Variants in GABRA6 observed in about 807,000 individuals in gnomAD.
GABRA6 encodes the protein gamma-aminobutyric acid receptor subunit alpha-6.
A neutral mutation model predicts 47.3 loss-of-function variants in GABRA6; 45 were observed. The observed-to-expected ratio is 0.95, with a 90% CI of 0.75 to 1.22. The LOEUF (loss-of-function observed/expected upper bound fraction) is 1.22, where lower values mean the gene tolerates loss of function less well. GABRA6 is among the 50% of genes most tolerant of loss of function. The probability of loss-of-function intolerance (pLI) is 0.00; values close to 1 mark genes in which losing one functional copy is unlikely to be tolerated. For synonymous variants in GABRA6, 219 were observed against 194.7 expected (o/e 1.12, Z -1.04); for missense variants, 583 against 549.3 (o/e 1.06, Z -0.61).
At chr5:161,690,384 T>G in intron 7 of GABRA6, 31 bp downstream of exon 7, 1 of 1,598,710 alleles carries the variant, frequency 6.3e-7, no homozygotes, top group Non-Finnish European at 8.6e-7. Flanking sequence ...TTCACGTACA[T>G]TCATCCTCCA....
rs1755000216 is a variant in GABRA6, at chr5:161,702,480, G to T, written c.*707G>T. On this transcript the variant is annotated 3_prime_UTR_variant, in exon 9 of 9. Coordinates refer to ENST00000274545, the MANE Select transcript of GABRA6 (RefSeq NM_000811.3). ...TAATACACTTACCATAATTCTATGA[G>T]GTTGTAGAAAAAAGTACTCATTATA... The T allele has an allele frequency of 6.6e-6, 1 of 152,066 alleles. No individual in the cohort carries two copies. Among genetic ancestry groups the T allele is most frequent in the South Asian group, 2.1e-4 (1 of 4,828 alleles). 9.4% of individuals were successfully genotyped at this position (152,066 alleles called of 1,614,324 possible).
At chr5:161,687,491 G>A (rs1223902365) in intron 3 of GABRA6, 1 of 455,964 alleles carries the variant, frequency 2.2e-6, no homozygotes, top group South Asian at 1.6e-5. Context: ...CATTGAGGAT[G>A]GACCAGTAGG....
At chr5:161,691,082 TA>T (rs1226784895) in intron 7 of GABRA6, among the ~76,000 whole-genome samples, 1 of 151,924 alleles carries the variant, frequency 6.6e-6, no homozygotes, top group African/African-American at 2.4e-5. Context: ...CCCCAGGCCA[TA>T]GTTCAAGAAG....
At chr5:161,698,495 A>G (rs1395986892) in intron 8 of GABRA6, among the ~76,000 whole-genome samples, 1 of 152,140 alleles carries the variant, frequency 6.6e-6, no homozygotes, top group Non-Finnish European at 1.5e-5. Flanking sequence ...TAAAAAATAG[A>G]TATAGCTAAG....
chr5:161,698,052 A>G (rs1754915785), intron 8 of GABRA6, among the ~76,000 whole-genome samples: 1 of 152,184 alleles, frequency 6.6e-6, no homozygotes, highest in South Asian at 2.1e-4. Flanking sequence ...AAAACTTTTC[A>G]TCCCCCTCTT....
At chr5:161,700,437 T>C (rs1754960587) in intron 8 of GABRA6, among the ~76,000 whole-genome samples, 1 of 152,042 alleles carries the variant, frequency 6.6e-6, no homozygotes, top group South Asian at 2.1e-4. Context: ...CAAGAAAAGA[T>C]AGGAATCAGA....
chr5:161,686,790 G>C, intron 2 of GABRA6, 146 bp from the exon 3 acceptor site: 1 of 727,906 alleles, frequency 1.4e-6, no homozygotes, highest in Non-Finnish European at 2.5e-6. Context: ...AGAGTTGAGA[G>C]ACCCAAGGAT....
chr5:161,686,699 C>T (rs561540869), intron 2 of GABRA6, among the ~76,000 whole-genome samples: 22 of 152,280 alleles, frequency 1.4e-4, no homozygotes, highest in Admixed American at 1.3e-3. Flanking sequence ...TTCGTTAGAA[C>T]GAATCTAGCT....
intron 3 of GABRA6, among the ~76,000 whole-genome samples, chr5:161,687,848 T>C (rs985941540): frequency 6.6e-6 from 1 of 151,608 alleles, no homozygotes; most frequent in African/African-American, 2.4e-5. Flanking sequence ...GAAAGGGATA[T>C]GGAGGAAAAG....
intron 1 of GABRA6, 22 bp from the exon 2 acceptor site, chr5:161,686,208 A>G: frequency 6.4e-7 from 1 of 1,560,594 alleles, no homozygotes; most frequent in Non-Finnish European, 8.8e-7. Flanking sequence ...GGGAGTAAGG[A>G]TCATTGACTG....
intron 8 of GABRA6, among the ~76,000 whole-genome samples, chr5:161,697,205 G>C (rs1754900290): frequency 6.6e-6 from 1 of 152,216 alleles, no homozygotes; most frequent in Non-Finnish European, 1.5e-5. Context: ...ACTCAAAACA[G>C]TGACAGCCCC....
In GABRA6 at chr5:161,694,913, A is replaced by G. The variant is rs924670685; in HGVS notation, c.1086+2713A>G. ...GTTGTCTTATATGATATAGAGGAAC[A>G]AACATAAATTACACATTTGCAATTT... On this transcript the variant is annotated intron_variant, in intron 8 of 8. Coordinates refer to ENST00000274545, the MANE Select transcript of GABRA6 (RefSeq NM_000811.3). 7.9e-5 allele frequency among the ~76,000 whole-genome samples: 12 copies of G among 152,322 alleles called. 1 individual carries two copies. Among genetic ancestry groups the G allele is most frequent in the African/African-American group, 2.6e-4 (11 of 41,594 alleles).
intron 8 of GABRA6, among the ~76,000 whole-genome samples, chr5:161,701,209 G>C (rs533074073): frequency 1.1e-4 from 17 of 152,214 alleles, no homozygotes; most frequent in South Asian, 1.0e-3. Flanking sequence ...TTTCCCTAAG[G>C]ATACAATGCT....
intron 8 of GABRA6, among the ~76,000 whole-genome samples, chr5:161,696,773 A>G (rs1237379864): frequency 6.6e-6 from 1 of 152,210 alleles, no homozygotes; most frequent in Non-Finnish European, 1.5e-5. Flanking sequence ...GGAAAACCCA[A>G]CAGAGTTCTA....
Position 161,691,942 on chromosome 5 carries a change from G to T in GABRA6, c.828G>T (p.Gly276=). The part of the protein sequence containing the change: ...KESVPARTVF[G]ITTVLTMTTL... ...AATTCCTATTCTTTTTTATTTTAGG[G>T]ATCACCACTGTTTTAACTATGACCA... The change falls in exon 8 of 9, where the codon GGG becomes GGT. Residue 276 remains glycine, a splice_region_variant and synonymous_variant. Transcript: ENST00000274545. 7 of 1,612,988 alleles carry T rather than the reference G, an allele frequency of 4.3e-6. No individual in the cohort carries two copies. Among genetic ancestry groups the T allele is most frequent in the Non-Finnish European group, 5.1e-6 (6 of 1,179,178 alleles).
chr5:161,692,333 C>T (rs1754809077), intron 8 of GABRA6, 133 bp downstream of exon 8: 1 of 1,020,044 alleles, frequency 9.8e-7, no homozygotes, highest in East Asian at 2.5e-5. Flanking sequence ...AAGAGCAAGG[C>T]CAGTTTCTGT....
rs1226608049 is a variant in GABRA6, at chr5:161,685,740, T to C, written c.-250T>C. The C allele has an allele frequency of 1.7e-6, 1 of 575,536 alleles. No homozygotes were observed. Among genetic ancestry groups the C allele is most frequent in the Non-Finnish European group, 3.1e-6 (1 of 323,010 alleles). The allele number at this position is 575,536 out of a possible 1,614,324, so 35.7% of individuals were successfully genotyped here. ...TGAGTCAGTCAGAGGAGCCTGGGTGTCTGCAGGACATAATCTAAGACCACA... is the reference window on the plus strand; with the variant it reads ...TGAGTCAGTCAGAGGAGCCTGGGTGCCTGCAGGACATAATCTAAGACCACA... On this transcript the variant is annotated 5_prime_UTR_variant, in exon 1 of 9. Coordinates refer to ENST00000274545, the MANE Select transcript of GABRA6 (RefSeq NM_000811.3).
At chr5:161,698,360 G>A (rs1374439874) in intron 8 of GABRA6, among the ~76,000 whole-genome samples, 1 of 152,118 alleles carries the variant, frequency 6.6e-6, no homozygotes, top group East Asian at 1.9e-4. Context: ...GTGTTAATGA[G>A]TTTGGTAGCA....
In GABRA6 at chr5:161,702,114, T is replaced by G; in HGVS notation, c.*341T>G. ...AACATTTACCACAAGGCAGATAAAA[T>G]AAGAAATGCTGACACTTCCAAAGGT... is the stretch of plus-strand genomic sequence containing the variant. On this transcript the variant is annotated 3_prime_UTR_variant, in exon 9 of 9. Coordinates refer to ENST00000274545, the MANE Select transcript of GABRA6 (RefSeq NM_000811.3). The G allele has an allele frequency of 3.7e-6, 1 of 270,338 alleles. No individual in the cohort carries two copies. The highest frequency in any genetic ancestry group is 7.2e-6 in the Non-Finnish European group (1 of 139,748). The allele number at this position is 270,338 out of a possible 1,614,324, so 16.7% of individuals were successfully genotyped here.
Sources: allele counts gnomAD v4.1 joint callset (sites outside exome capture counted in the v4.1 genomes callset), GRCh38; gene constraint gnomAD v4.1.1; transcripts MANE v1.5; gene names NCBI Gene and HGNC (gene_info 2026-07-23, HGNC 2026-07-21).